Variants in ADCY2 observed in about 807,000 individuals in gnomAD.
The protein encoded by ADCY2 is adenylate cyclase type 2.
Under a neutral mutation model 125.2 loss-of-function variants are expected in ADCY2, and 31 were observed. The observed-to-expected ratio is 0.25, with a 90% confidence interval of 0.19 to 0.33. The LOEUF (loss-of-function observed/expected upper bound fraction) is 0.33. Ranked by LOEUF, ADCY2 falls within the 10% of genes least tolerant of loss-of-function variation. The pLI is 1.00. For synonymous variants in ADCY2, 512 were observed against 548.4 expected (o/e 0.93, Z 0.93); for missense variants, 904 against 1,418.2 (o/e 0.64, Z 5.82).
chr5:7,521,769 C>G (rs551849173), intron 3 of ADCY2, among the ~76,000 whole-genome samples: 28 of 152,320 alleles, frequency 1.8e-4, no homozygotes, highest in African/African-American at 6.3e-4. Flanking sequence ...AAGGCTCACT[C>G]TTGAGTCTAT....
At chr5:7,821,834 G>A (rs2126542117) in intron 24 of ADCY2, among the ~76,000 whole-genome samples, 1 of 152,310 alleles carries the variant, frequency 6.6e-6, no homozygotes, top group Non-Finnish European at 1.5e-5. Context: ...GAAGGGGAAG[G>A]GAGTTCAAGG....
intron 3 of ADCY2, among the ~76,000 whole-genome samples, chr5:7,556,285 G>T (rs1735504734): frequency 6.6e-6 from 1 of 152,132 alleles, no homozygotes; most frequent in Admixed American, 6.5e-5. Flanking sequence ...AAGTCATTAT[G>T]TCCCTAGAAC....
At chr5:7,612,235 T>C (rs1402274919) in intron 3 of ADCY2, among the ~76,000 whole-genome samples, 1 of 152,234 alleles carries the variant, frequency 6.6e-6, no homozygotes, top group East Asian at 1.9e-4. Flanking sequence ...TAGAACATCA[T>C]GCACTATAAA....
In ADCY2 at chr5:7,692,752, C is replaced by T. The variant is rs147829889; in HGVS notation, c.869+1913C>T. Among the ~76,000 whole-genome samples, 8 of 152,262 alleles carry T rather than the reference C, an allele frequency of 5.3e-5. No individual in the cohort carries two copies. In the East Asian group the frequency reaches 1.5e-3, roughly 29 times the overall value. ...CCTTTGTCTCATGACATTGCATTCC[C>T]TCAGTTTTCTTCTGACAATCTGTTT... On this transcript the variant is annotated intron_variant, in intron 5 of 24. Transcript: ENST00000338316.
chr5:7,509,801 T>C (rs1270347921), intron 2 of ADCY2, among the ~76,000 whole-genome samples: 2 of 152,238 alleles, frequency 1.3e-5, no homozygotes, highest in South Asian at 2.1e-4. Flanking sequence ...TTATACAATC[T>C]AGTCATCAAC....
At chr5:7,718,610 A>G (rs1741668136) in intron 12 of ADCY2, among the ~76,000 whole-genome samples, 1 of 152,162 alleles carries the variant, frequency 6.6e-6, no homozygotes, top group Non-Finnish European at 1.5e-5. Context: ...AAGAGTTGCC[A>G]TTCGGATGTG....
intron 14 of ADCY2, among the ~76,000 whole-genome samples, chr5:7,735,704 A>G (rs1273307353): frequency 6.6e-6 from 1 of 152,160 alleles, no homozygotes; most frequent in Non-Finnish European, 1.5e-5. Flanking sequence ...AAACCTTTTT[A>G]CTTGTGGCTG....
chr5:7,702,689 C>G (rs1445583711), intron 7 of ADCY2, among the ~76,000 whole-genome samples: 3 of 152,174 alleles, frequency 2.0e-5, no homozygotes, highest in African/African-American at 7.2e-5. Context: ...AGTAAACATA[C>G]GTGTGCATGC....
chr5:7,541,223 G>C (rs1016140032), intron 3 of ADCY2, among the ~76,000 whole-genome samples: 2 of 152,192 alleles, frequency 1.3e-5, no homozygotes, highest in African/African-American at 2.4e-5. Flanking sequence ...TGAAAATGTA[G>C]CCTGCAGGGT....
Position 7,396,355 on chromosome 5 carries a change from C to A in ADCY2, c.59C>A (p.Ala20Glu). 1 of 1,544,958 alleles carries A rather than the reference C, an allele frequency of 6.5e-7. No individual in the cohort carries two copies. The part of the protein sequence containing the change: ...RYLRDRSEEA[A>E]GGGDGLPRSR... Reference sequence around the variant, plus strand: ...CTGCGGGACCGCTCCGAGGAGGCGGCGGGCGGCGGAGACGGGCTGCCGCGG... The same window carrying A: ...CTGCGGGACCGCTCCGAGGAGGCGGAGGGCGGCGGAGACGGGCTGCCGCGG... Residue 20 changes from alanine (A) to glutamate (E), a missense_variant, in exon 1 of 25, where the codon GCG (alanine) becomes GAG (glutamate). By Grantham distance (107) the Ala-to-Glu change is moderately radical. Coordinates refer to ENST00000338316, the MANE Select transcript of ADCY2 (RefSeq NM_020546.3). This position sits in a 1 kb window ranked among gnomAD's most constrained non-coding sequence, Gnocchi z 5.7.
intron 1 of ADCY2, among the ~76,000 whole-genome samples, chr5:7,407,867 C>CTTT (rs963332049): frequency 2.2e-4 from 28 of 127,908 alleles, no homozygotes; most frequent in Non-Finnish European, 3.4e-4. Flanking sequence ...CTCTTCAGTT[C>CTTT]TTTTTTTTTT....
At chr5:7,690,061 C>G (rs1279496570) in intron 4 of ADCY2, among the ~76,000 whole-genome samples, 1 of 152,000 alleles carries the variant, frequency 6.6e-6, no homozygotes, top group Non-Finnish European at 1.5e-5. Context: ...ATATAAAGAC[C>G]AAAAGTACTC....
intron 16 of ADCY2, among the ~76,000 whole-genome samples, chr5:7,758,088 G>A (rs781207416): frequency 1.3e-5 from 2 of 152,140 alleles, no homozygotes; most frequent in African/African-American, 2.4e-5. Flanking sequence ...CTTGCTCCCC[G>A]TCTCACCAGC....
chr5:7,724,686 C>T, intron 13 of ADCY2, 72 bp downstream of exon 13: 5 of 1,165,178 alleles, frequency 4.3e-6, no homozygotes, highest in South Asian at 2.7e-5. Flanking sequence ...AAATTGTGCT[C>T]ATGTTTTTTA....
At chr5:7,729,872 T>A (rs933144764) in intron 14 of ADCY2, among the ~76,000 whole-genome samples, 2 of 149,662 alleles carry the variant, frequency 1.3e-5, no homozygotes, top group East Asian at 3.9e-4. Flanking sequence ...TATATTTACA[T>A]GTTTTTAATG....
intron 2 of ADCY2, among the ~76,000 whole-genome samples, chr5:7,492,356 A>G (rs151173996): frequency 5.3e-5 from 8 of 152,292 alleles, no homozygotes; most frequent in African/African-American, 1.2e-4. Flanking sequence ...TAATCATCCA[A>G]TCTTTTGGGG....
chr5:7,509,276 A>G (rs1384307886), intron 2 of ADCY2, among the ~76,000 whole-genome samples: 2 of 152,342 alleles, frequency 1.3e-5, no homozygotes, highest in South Asian at 2.1e-4. Context: ...GATGACACAT[A>G]TGGTATATGG....
chr5:7,432,845 A>T (rs1740655521), intron 2 of ADCY2, among the ~76,000 whole-genome samples: 1 of 151,806 alleles, frequency 6.6e-6, no homozygotes, highest in African/African-American at 2.4e-5. Context: ...AATTGTGGTG[A>T]TAGTTTCACA....
At chr5:7,417,218 T>C (rs942670208) in intron 2 of ADCY2, among the ~76,000 whole-genome samples, 1 of 152,156 alleles carries the variant, frequency 6.6e-6, no homozygotes, top group Non-Finnish European at 1.5e-5. Flanking sequence ...TAATTTTCGT[T>C]AGACTCAATC....
Sources: allele counts gnomAD v4.1 joint callset (sites outside exome capture counted in the v4.1 genomes callset), GRCh38; gene constraint gnomAD v4.1.1; non-coding constraint Gnocchi (gnomAD v3.1); transcripts MANE v1.5; gene names NCBI Gene and HGNC (gene_info 2026-07-23, HGNC 2026-07-21).